The following HIVEP3 variants were observed in gnomAD, a reference collection of about 807,000 sequenced individuals.
HIVEP3 encodes the protein transcription factor HIVEP3.
HIVEP3 carries 49 observed loss-of-function variants against 152.8 expected under a neutral mutation model. That is an observed-to-expected ratio of 0.32 (90% CI 0.26 to 0.41). The LOEUF is 0.41. HIVEP3 is among the 10% of genes least tolerant of loss of function. The pLI, the probability that HIVEP3 is intolerant of heterozygous loss-of-function variation, is 1.00. For missense variants in HIVEP3, 2,790 were observed against 3,103.3 expected (o/e 0.90, Z 2.40); for synonymous variants, 1,269 against 1,289.0 (o/e 0.98, Z 0.33).
At position 41,918,346 on chromosome 1, in the gene HIVEP3, A is replaced by T. The variant is rs1278244534; in HGVS notation, c.-801+67T>A. 1 of 152,354 alleles carries T rather than the reference A, an allele frequency of 6.6e-6. No homozygotes were observed. The highest frequency in any genetic ancestry group is 1.5e-5 in the Non-Finnish European group (1 of 68,182). 9.4% of individuals were successfully genotyped at this position (152,354 alleles called of 1,614,324 possible). A position where few individuals can be genotyped will look rare whatever the true frequency, so the allele number is the denominator to read the frequency against. ...CTTCGCGGTGCGGCCTCAGGCAAAAACACAATCACAAGGTAAAATACAGCG... is the reference window on the plus strand; with the variant it reads ...CTTCGCGGTGCGGCCTCAGGCAAAATCACAATCACAAGGTAAAATACAGCG... On this transcript the variant is annotated intron_variant, in intron 1 of 8. Transcript: ENST00000372583. This position sits in a 1 kb window ranked among gnomAD's most constrained non-coding sequence, Gnocchi z 4.3.
At chr1:41,875,213 T>G (rs1363782081) in intron 1 of HIVEP3, among the ~76,000 whole-genome samples, 1 of 152,232 alleles carries the variant, frequency 6.6e-6, no homozygotes, top group Non-Finnish European at 1.5e-5. Flanking sequence ...AAGGCTCTAC[T>G]GCTCTCAGCC....
At chr1:41,690,004 G>A (rs1054596655) in intron 2 of HIVEP3, among the ~76,000 whole-genome samples, 8 of 152,194 alleles carry the variant, frequency 5.3e-5, no homozygotes, top group East Asian at 1.9e-4. Flanking sequence ...CCACAATCCC[G>A]TGTGCCTAGG....
intron 5 of HIVEP3, among the ~76,000 whole-genome samples, chr1:41,562,575 TTTCC>T (rs138592366): frequency 0.27 from 35,166 of 128,904 alleles, 6,499 homozygotes; most frequent in Non-Finnish European, 0.39. Context: ...CTTTCCTTCT[TTTCC>T]TTCCTTCCTT....
chr1:41,811,279 T>C (rs1043232082), intron 1 of HIVEP3, among the ~76,000 whole-genome samples: 2 of 151,464 alleles, frequency 1.3e-5, no homozygotes, highest in Non-Finnish European at 2.9e-5. Flanking sequence ...AGGTGTGCTG[T>C]CCTCCCAATG....
At chr1:41,948,050 T>C (rs1267417650) in intron 1 of HIVEP3, among the ~76,000 whole-genome samples, 1 of 152,216 alleles carries the variant, frequency 6.6e-6, no homozygotes, top group Non-Finnish European at 1.5e-5. Flanking sequence ...GGAAAGAACA[T>C]AACTGTCCAC....
chr1:41,994,092 T>C (rs1394230970), intron 1 of HIVEP3, among the ~76,000 whole-genome samples: 2 of 151,588 alleles, frequency 1.3e-5, no homozygotes, highest in Non-Finnish European at 2.9e-5. Context: ...ATGGCACATG[T>C]ATACATATGT....
intron 1 of HIVEP3, among the ~76,000 whole-genome samples, chr1:41,775,059 T>C (rs1021130188): frequency 2.0e-5 from 3 of 152,086 alleles, no homozygotes; most frequent in Non-Finnish European, 4.4e-5. Flanking sequence ...CTCCTCGGTC[T>C]CCCAAAGTGC....
chr1:41,851,984 A>G (rs1643617771), intron 1 of HIVEP3, among the ~76,000 whole-genome samples: 2 of 152,214 alleles, frequency 1.3e-5, no homozygotes, highest in African/African-American at 4.8e-5. Context: ...GAAAATACCC[A>G]AGGGATAGGG....
intron 7 of HIVEP3, among the ~76,000 whole-genome samples, chr1:41,515,677 A>C (rs1471534378): frequency 6.6e-6 from 1 of 152,242 alleles, no homozygotes; most frequent in Admixed American, 6.5e-5. Context: ...ACTAAGAAGC[A>C]GGGAATGGTC....
rs115658347 is a variant in HIVEP3, at chr1:41,785,415, G to A, written c.-800-84420C>T. On this transcript the variant is annotated intron_variant, in intron 1 of 8. Transcript: ENST00000372583. ...TTACAGGGATTTAGGATGGATCAAA[G>A]GAGCAACAGACCAAAAATTTACATA... Among the ~76,000 whole-genome samples the A allele has an allele frequency of 4.8e-3, 734 of 152,218 alleles. 5 individuals carry two copies. The highest frequency in any genetic ancestry group is 7.2e-3 in the Non-Finnish European group (490 of 68,030).
At chr1:41,817,791 A>G (rs2124337417) in intron 1 of HIVEP3, among the ~76,000 whole-genome samples, 1 of 152,314 alleles carries the variant, frequency 6.6e-6, no homozygotes, top group Middle Eastern at 3.4e-3. Context: ...CTGGGAGGTT[A>G]CCTTGTGCAA....
At chr1:41,952,936 T>C (rs1197983119) in intron 1 of HIVEP3, among the ~76,000 whole-genome samples, 1 of 152,184 alleles carries the variant, frequency 6.6e-6, no homozygotes, top group Non-Finnish European at 1.5e-5. Flanking sequence ...ACAAAAGTCC[T>C]TCTCATGAGC....
intron 1 of HIVEP3, among the ~76,000 whole-genome samples, chr1:41,917,757 T>C (rs191880578): frequency 1.3e-5 from 2 of 152,004 alleles, no homozygotes; most frequent in African/African-American, 4.8e-5. Context: ...CCCTATAGAA[T>C]AGGAGTTTGG....
At chr1:41,783,980 GTAAAAGTAAAACGCTT>G (rs1185478452) in intron 1 of HIVEP3, among the ~76,000 whole-genome samples, 1 of 152,330 alleles carries the variant, frequency 6.6e-6, no homozygotes, top group East Asian at 1.9e-4. Flanking sequence ...GTCGCCAGGA[GTAAAAGTAAAACGCTT>G]TAAAAGTAAA....
intron 5 of HIVEP3, among the ~76,000 whole-genome samples, chr1:41,545,846 G>C (rs537206970): frequency 1.4e-3 from 219 of 151,390 alleles, no homozygotes; most frequent in African/African-American, 5.1e-3. Context: ...GCATTCACTG[G>C]ACATTCCAGT....
chr1:41,625,527 G>T (rs192595003), intron 3 of HIVEP3, among the ~76,000 whole-genome samples: 1 of 152,220 alleles, frequency 6.6e-6, no homozygotes, highest in Non-Finnish European at 1.5e-5. Flanking sequence ...CAGAGGTGTC[G>T]CTAATAACAT....
At chr1:41,563,786 A>C (rs1644119656) in intron 5 of HIVEP3, among the ~76,000 whole-genome samples, 1 of 152,224 alleles carries the variant, frequency 6.6e-6, no homozygotes, top group African/African-American at 2.4e-5. Flanking sequence ...ACAAGAACAA[A>C]GCCAAAAACA....
At position 41,890,896 on chromosome 1, in the gene HIVEP3, A is replaced by G. The variant is rs74367014; in HGVS notation, c.-801+27517T>C. Among the ~76,000 whole-genome samples the G allele has an allele frequency of 7.1e-3, 1,083 of 152,318 alleles. 15 individuals are homozygous for G. Among genetic ancestry groups the G allele is most frequent in the African/African-American group, 0.025 (1,050 of 41,554 alleles). ...AGGCAGCTCTCCCATTCCTTACTAC[A>G]TAATTATTAGATAATGCATAAGGGA... is the stretch of plus-strand genomic sequence containing the variant. On this transcript the variant is annotated intron_variant, in intron 1 of 8. Coordinates refer to ENST00000372583, the MANE Select transcript of HIVEP3 (RefSeq NM_024503.5).
At chr1:41,699,638 G>A (rs987037381) in intron 2 of HIVEP3, among the ~76,000 whole-genome samples, 46 of 152,138 alleles carry the variant, frequency 3.0e-4, no homozygotes, top group Admixed American at 9.2e-4. Context: ...GCAGCCCAAC[G>A]CAGGATGGGG....
Sources: allele counts gnomAD v4.1 joint callset (sites outside exome capture counted in the v4.1 genomes callset), GRCh38; gene constraint gnomAD v4.1.1; non-coding constraint Gnocchi (gnomAD v3.1); transcripts MANE v1.5; gene names NCBI Gene and HGNC (gene_info 2026-07-23, HGNC 2026-07-21).